NRXN1: variants seen among roughly 807,000 people sequenced by gnomAD.
NRXN1 encodes the protein neurexin 1, also known as neurexin-1.
In NRXN1, 39 loss-of-function variants were observed where a neutral mutation model predicts 150.9. The ratio of observed to expected loss-of-function variants is 0.26; its 90% confidence interval spans 0.20 to 0.34. The LOEUF (loss-of-function observed/expected upper bound fraction) is 0.34. NRXN1 is among the 10% of genes least tolerant of loss of function. The probability of loss-of-function intolerance (pLI) is 1.00; values close to 1 mark genes in which losing one functional copy is unlikely to be tolerated. For missense variants in NRXN1, 1,815 were observed against 1,949.9 expected (o/e 0.93, Z 1.30); for synonymous variants, 924 against 757.0 (o/e 1.22, Z -3.62).
intron 21 of NRXN1, among the ~76,000 whole-genome samples, chr2:49,950,531 A>C (rs1244841441): frequency 6.6e-6 from 1 of 151,984 alleles, no homozygotes; most frequent in African/African-American, 2.4e-5. Flanking sequence ...GTACACATGA[A>C]GGTATAAATT....
chr2:50,674,492 A>T (rs1430946937), intron 5 of NRXN1, among the ~76,000 whole-genome samples: 1 of 152,128 alleles, frequency 6.6e-6, no homozygotes, highest in Non-Finnish European at 1.5e-5. Flanking sequence ...ATCTCATTGG[A>T]AGCTTACAGT....
intron 5 of NRXN1, among the ~76,000 whole-genome samples, chr2:50,816,478 T>TA (rs1245511296): frequency 1.3e-5 from 2 of 152,084 alleles, no homozygotes; most frequent in Non-Finnish European, 2.9e-5. Context: ...CTTGTCTCAG[T>TA]AAAAAAACTA....
chr2:50,486,636 T>C (rs1187032957), intron 15 of NRXN1, among the ~76,000 whole-genome samples: 1 of 152,056 alleles, frequency 6.6e-6, no homozygotes, highest in African/African-American at 2.4e-5. Context: ...CTAAGGAGTC[T>C]GTGTATTGTG....
chr2:50,152,266 A>T (rs559938231), intron 18 of NRXN1, among the ~76,000 whole-genome samples: 10 of 151,908 alleles, frequency 6.6e-5, no homozygotes, highest in African/African-American at 2.4e-4. Context: ...TCACTACTCT[A>T]GGTACATTAT....
At chr2:50,676,451 A>G (rs552446383) in intron 5 of NRXN1, among the ~76,000 whole-genome samples, 272 of 152,264 alleles carry the variant, frequency 1.8e-3, no homozygotes, top group African/African-American at 5.8e-3. Flanking sequence ...AATGTCTGGG[A>G]TTGATTTTCA....
intron 5 of NRXN1, among the ~76,000 whole-genome samples, chr2:50,880,966 G>A (rs183740671): frequency 1.3e-5 from 2 of 151,868 alleles, no homozygotes; most frequent in African/African-American, 2.4e-5. Flanking sequence ...GTGTCTCAAC[G>A]GTGTCAGGAC....
chr2:50,389,445 TTAA>T (rs1025144787), intron 17 of NRXN1, among the ~76,000 whole-genome samples: 15 of 151,766 alleles, frequency 9.9e-5, no homozygotes, highest in African/African-American at 3.1e-4. Flanking sequence ...GATTTATTGG[TTAA>T]TAATAATAAC....
intron 5 of NRXN1, among the ~76,000 whole-genome samples, chr2:50,889,449 C>A (rs1182494620): frequency 6.6e-6 from 1 of 151,672 alleles, no homozygotes; most frequent in Non-Finnish European, 1.5e-5. Context: ...TAAGTTCATG[C>A]AAGTAAAAGT....
At chr2:50,773,872 C>G (rs1462390725) in intron 5 of NRXN1, among the ~76,000 whole-genome samples, 1 of 152,078 alleles carries the variant, frequency 6.6e-6, no homozygotes, top group Non-Finnish European at 1.5e-5. Context: ...AAACGTCTTT[C>G]ACTTTTTCAT....
chr2:50,756,651 AAG>A (rs1213017343), intron 5 of NRXN1, among the ~76,000 whole-genome samples: 4 of 151,884 alleles, frequency 2.6e-5, no homozygotes, highest in African/African-American at 9.7e-5. Context: ...ACAATAGTAA[AAG>A]AGTAAGTATA....
intron 5 of NRXN1, among the ~76,000 whole-genome samples, chr2:50,722,712 A>C (rs1384390959): frequency 6.6e-6 from 1 of 152,222 alleles, no homozygotes; most frequent in African/African-American, 2.4e-5. Flanking sequence ...CATTCAATAC[A>C]GTTTAAAACT....
chr2:49,947,631 G>C (rs1332904441), intron 21 of NRXN1, among the ~76,000 whole-genome samples: 1 of 150,488 alleles, frequency 6.6e-6, no homozygotes, highest in Non-Finnish European at 1.5e-5. Context: ...CGAAGTGCTG[G>C]GATTACAGGA....
rs1386835707 is a variant in NRXN1, at chr2:50,919,990, A to G, written c.832+1879T>C. 4 of 402,648 alleles carry G rather than the reference A, an allele frequency of 9.9e-6. No individual in the cohort carries two copies. The Admixed American group carries it at 1.0e-4, about 10-fold the overall frequency. The allele number at this position is 402,648 out of a possible 1,614,324, so 24.9% of individuals were successfully genotyped here. ...TGATTGTATTTCTGCTCTAGAATAT[A>G]GATTTGTTGAATTAATCTGCAATTA... On this transcript the variant is annotated intron_variant, in intron 5 of 22. Coordinates refer to ENST00000401669, the MANE Select transcript of NRXN1 (RefSeq NM_001330078.2).
At position 50,236,856 on chromosome 2, in the gene NRXN1, T is replaced by C. The variant is rs768319291; in HGVS notation, c.3479A>G (p.Gln1160Arg). ...CACTCGCACCAATACGGCTTCTTTC[T>C]GAACAGTGCTAAAACCTATGGCCAG... ...DRLAIGFSTV[Q>R]KEAVLVRVDS... is the part of the protein sequence containing the mutation. The change falls in exon 18 of 23, where the codon CAG becomes CGG. Residue 1160 changes from glutamine to arginine, a missense_variant. By Grantham distance (43) the Gln-to-Arg change is conservative. Coordinates refer to ENST00000401669, the MANE Select transcript of NRXN1 (RefSeq NM_001330078.2). 4.3e-6 allele frequency: 7 copies of C among 1,613,244 alleles called. No homozygotes were observed. Among genetic ancestry groups the C allele is most frequent in the Admixed American group, 1.7e-5 (1 of 59,886 alleles).
intron 18 of NRXN1, among the ~76,000 whole-genome samples, chr2:50,139,599 G>GA (rs1432201240): frequency 6.6e-6 from 1 of 150,818 alleles, no homozygotes; most frequent in Non-Finnish European, 1.5e-5. Flanking sequence ...AAAAAGAGAG[G>GA]AAAAAACAAA....
intron 5 of NRXN1, among the ~76,000 whole-genome samples, chr2:50,639,412 G>A (rs1387178553): frequency 6.6e-6 from 1 of 151,208 alleles, no homozygotes; most frequent in Non-Finnish European, 1.5e-5. Flanking sequence ...GTAGAGACAG[G>A]GTCTTACCAT....
At chr2:49,994,037 A>T (rs10495990) in intron 21 of NRXN1, among the ~76,000 whole-genome samples, 55,377 of 152,002 alleles carry the variant, frequency 0.36, 10,721 homozygotes, top group South Asian at 0.44. Flanking sequence ...GAAACTGCCT[A>T]ACTAAGTATA....
At chr2:50,121,635 G>A (rs1327305946) in intron 18 of NRXN1, among the ~76,000 whole-genome samples, 1 of 152,082 alleles carries the variant, frequency 6.6e-6, no homozygotes, top group Non-Finnish European at 1.5e-5. Flanking sequence ...TACATTGAAG[G>A]CTCACAATAA....
At chr2:51,030,742 A>G (rs1226971995) in intron 1 of NRXN1, among the ~76,000 whole-genome samples, 2 of 152,190 alleles carry the variant, frequency 1.3e-5, no homozygotes, top group Non-Finnish European at 2.9e-5. Context: ...CTGAAATAGC[A>G]TATTATTCAG....
Sources: gnomAD v4.1 joint callset for allele counts (sites outside exome capture counted in the v4.1 genomes callset) on GRCh38, gnomAD v4.1.1 for gene constraint, MANE v1.5 for transcripts, NCBI Gene and HGNC (gene_info 2026-07-23, HGNC 2026-07-21) for gene names.